The following BCL9 variants were observed in gnomAD, a reference collection of about 807,000 sequenced individuals.
BCL9 encodes the protein BCL9 transcription coactivator.
Under a neutral mutation model 88.5 loss-of-function variants are expected in BCL9, and 25 were observed. The observed-to-expected ratio is 0.28, with a 90% CI of 0.21 to 0.39. The LOEUF (loss-of-function observed/expected upper bound fraction) is 0.39. Ranked by LOEUF, BCL9 falls within the 10% of genes least tolerant of loss-of-function variation. The pLI, the probability that BCL9 is intolerant of heterozygous loss-of-function variation, is 1.00. For missense variants in BCL9, 1,817 were observed against 1,877.8 expected (o/e 0.97, Z 0.60); for synonymous variants, 711 against 673.3 (o/e 1.06, Z -0.87).
intron 1 of BCL9, among the ~76,000 whole-genome samples, chr1:147,551,911 T>C (rs782054030): frequency 6.6e-6 from 1 of 152,158 alleles, no homozygotes; most frequent in Non-Finnish European, 1.5e-5. Flanking sequence ...CAAAATAAGG[T>C]CTCTGAGACC....
chr1:147,578,467 T>C (rs1356741996), intron 1 of BCL9, among the ~76,000 whole-genome samples: 4 of 152,218 alleles, frequency 2.6e-5, no homozygotes, highest in Non-Finnish European at 4.4e-5. Flanking sequence ...AAATGAATTT[T>C]GTATTTGGAC....
chr1:147,619,283 T>C lies in BCL9; in HGVS notation c.1128T>C (p.Asp376=). The change falls in exon 8 of 10, where the codon GAT becomes GAC. Residue 376 remains aspartate (D), a synonymous_variant. Transcript: ENST00000234739. The surrounding 1 kb of genome is among the most constrained non-coding windows in gnomAD (Gnocchi z 4.1). ...LRDIQRMLFP[D]EKEFTGAQSG... ...ATATCCAGCGCATGCTTTTTCCTGA[T>C]GAGAAAGAATTCACAGGAGCACAAA... The C allele has an allele frequency of 6.2e-7, 1 of 1,614,076 alleles. No individual in the cohort carries two copies. Among genetic ancestry groups the C allele is most frequent in the Non-Finnish European group, 8.5e-7 (1 of 1,180,026 alleles).
At chr1:147,573,074 T>C (rs1433080679) in intron 1 of BCL9, among the ~76,000 whole-genome samples, 2 of 152,250 alleles carry the variant, frequency 1.3e-5, no homozygotes, top group African/African-American at 4.8e-5. Flanking sequence ...GTGTTTTGTA[T>C]TGGGGTGAGC....
At chr1:147,583,430 A>G (rs1656455719) in intron 1 of BCL9, among the ~76,000 whole-genome samples, 1 of 151,784 alleles carries the variant, frequency 6.6e-6, no homozygotes, top group Admixed American at 6.6e-5. Flanking sequence ...AGCATGCAAC[A>G]CCATGCCCAG....
chr1:147,624,046 G>T lies in BCL9; in HGVS notation c.3368G>T (p.Gly1123Val). Reference protein sequence around the residue: ...LMSHNPIMGHGSQEPPMVPQG... With the variant: ...LMSHNPIMGHVSQEPPMVPQG... ...TCACACAATCCTATCATGGGGCATG[G>T]GTCCCAGGAGCCACCGATGGTACCT... The change falls in exon 10 of 10, where the codon GGG becomes GTG. Residue 1123 changes from glycine to valine, a missense_variant. By Grantham distance (109) the Gly-to-Val change is moderately radical. Around this residue, in one of 2 missense-constraint regions of BCL9, gnomAD observed 589 missense variants for 686.2 expected, o/e 0.86. Transcript: ENST00000234739. The surrounding 1 kb of genome is among the most constrained non-coding windows in gnomAD (Gnocchi z 4.4). 1 of 1,614,020 alleles carries T rather than the reference G, an allele frequency of 6.2e-7. No individual in the cohort carries two copies. Among genetic ancestry groups the T allele is most frequent in the South Asian group, 1.1e-5 (1 of 91,082 alleles).
intron 7 of BCL9, among the ~76,000 whole-genome samples, chr1:147,616,756 G>C (rs587721775): frequency 7.2e-6 from 1 of 139,430 alleles, no homozygotes; most frequent in East Asian, 2.1e-4. Context: ...TGGGTGATAA[G>C]AGTGAGACTC....
chr1:147,603,058 C>T (rs1048817173), intron 1 of BCL9, among the ~76,000 whole-genome samples: 6 of 152,220 alleles, frequency 3.9e-5, no homozygotes, highest in Non-Finnish European at 5.9e-5. Flanking sequence ...CTGCAAAGTG[C>T]TCTGAACATC....
At chr1:147,612,212 C>G (rs1658042593) in intron 4 of BCL9, among the ~76,000 whole-genome samples, 1 of 152,150 alleles carries the variant, frequency 6.6e-6, no homozygotes, top group Non-Finnish European at 1.5e-5. Flanking sequence ...GAAACTGAGG[C>G]CTGGAATGGT....
chr1:147,541,790 C>T (rs1348221347), intron 1 of BCL9, 116 bp downstream of exon 1: 6 of 152,216 alleles, frequency 3.9e-5, no homozygotes, highest in African/African-American at 1.4e-4. Context: ...ATTGGAGCTC[C>T]TGCGTTGCCC....
At chr1:147,556,858 G>C (rs1032608103) in intron 1 of BCL9, among the ~76,000 whole-genome samples, 3 of 152,166 alleles carry the variant, frequency 2.0e-5, no homozygotes, top group Non-Finnish European at 2.9e-5. Context: ...TGCCATAGAT[G>C]AATGCCTTGA....
intron 1 of BCL9, among the ~76,000 whole-genome samples, chr1:147,595,778 A>C (rs1553200395): frequency 6.6e-6 from 1 of 152,202 alleles, no homozygotes; most frequent in African/African-American, 2.4e-5. Flanking sequence ...AACTGGTATG[A>C]AGGTCAAGAG....
chr1:147,549,922 CT>C (rs1435489070), intron 1 of BCL9, among the ~76,000 whole-genome samples: 2 of 152,156 alleles, frequency 1.3e-5, no homozygotes, highest in African/African-American at 2.4e-5. Context: ...AATTACACCC[CT>C]AATTGTTGCT....
At position 147,622,490 on chromosome 1, in the gene BCL9, C is replaced by T. The variant is rs782524918; in HGVS notation, c.3122C>T (p.Pro1041Leu). The T allele has an allele frequency of 2.6e-5, 42 of 1,614,066 alleles. 1 individual carries two copies. The highest frequency in any genetic ancestry group is 3.6e-5 in the Non-Finnish European group (42 of 1,180,038). Reference protein sequence around the residue: ...TVASSDDDSPPARSPNLPSMN... With the variant: ...TVASSDDDSPLARSPNLPSMN... ...GCCAGCTCAGATGACGACTCCCCTC[C>T]AGCTCGTTCTCCCAACTTGCCATCA... The change falls in exon 9 of 10, where the codon CCA becomes CTA. Residue 1041 changes from proline to leucine, a missense_variant. Pro to Leu is a moderately conservative substitution (Grantham distance 98, BLOSUM62 -3). Transcript: ENST00000234739.
At chr1:147,573,049 A>G (rs1553197622) in intron 1 of BCL9, among the ~76,000 whole-genome samples, 3 of 152,230 alleles carry the variant, frequency 2.0e-5, no homozygotes, top group Admixed American at 2.0e-4. Context: ...GGAACATCTT[A>G]TTAGCCTTGT....
At chr1:147,598,046 T>C (rs1657129476) in intron 1 of BCL9, among the ~76,000 whole-genome samples, 1 of 152,190 alleles carries the variant, frequency 6.6e-6, no homozygotes, top group African/African-American at 2.4e-5. Flanking sequence ...TTGGCAGTGG[T>C]TTTCTCTTAT....
At position 147,579,846 on chromosome 1, in the gene BCL9, G is replaced by A. The variant is rs59463310; in HGVS notation, c.-477-24931G>A. ...ACTCGAACCACAGCAGCAGTTAGGA[G>A]GCAGCAAGCAGTCTACCCACCTTCC... On this transcript the variant is annotated intron_variant, in intron 1 of 9. Coordinates refer to ENST00000234739, the MANE Select transcript of BCL9 (RefSeq NM_004326.4). Among the ~76,000 whole-genome samples, 810 of 152,304 alleles carry A rather than the reference G, an allele frequency of 5.3e-3. 8 individuals are homozygous for A. The highest frequency in any genetic ancestry group is 0.019 in the African/African-American group (774 of 41,556).
chr1:147,613,289 A>G, intron 5 of BCL9, 90 bp downstream of exon 5: 2 of 1,323,066 alleles, frequency 1.5e-6, no homozygotes, highest in Non-Finnish European at 2.1e-6. Context: ...AGAGCCTAAT[A>G]TCAGACAAGT....
At chr1:147,550,903 C>T (rs1553194737) in intron 1 of BCL9, among the ~76,000 whole-genome samples, 1 of 152,144 alleles carries the variant, frequency 6.6e-6, no homozygotes, top group African/African-American at 2.4e-5. Flanking sequence ...TTTAAAGTGA[C>T]TGATACACAT....
intron 1 of BCL9, among the ~76,000 whole-genome samples, chr1:147,582,494 G>A (rs1656410371): frequency 6.6e-6 from 1 of 152,134 alleles, no homozygotes; most frequent in African/African-American, 2.4e-5. Flanking sequence ...TGCTATTAGT[G>A]CCAAATTGAT....
Sources: allele counts gnomAD v4.1 joint callset (sites outside exome capture counted in the v4.1 genomes callset), GRCh38; gene constraint gnomAD v4.1.1; regional missense constraint gnomAD v4.1.1; non-coding constraint Gnocchi (gnomAD v3.1); transcripts MANE v1.5; gene names NCBI Gene and HGNC (gene_info 2026-07-23, HGNC 2026-07-21).